RUVBL2: variants seen among roughly 807,000 people sequenced by gnomAD.
The protein encoded by RUVBL2 is ruvB-like 2.
A neutral mutation model predicts 57.9 loss-of-function variants in RUVBL2; 9 were observed. The observed-to-expected ratio is 0.16, with a 90% CI of 0.09 to 0.27. The LOEUF (loss-of-function observed/expected upper bound fraction) is 0.27, where lower values mean the gene tolerates loss of function less well. Ranked by LOEUF, RUVBL2 falls within the 10% of genes least tolerant of loss-of-function variation. RUVBL2 has a pLI of 1.00. For synonymous variants in RUVBL2, 278 were observed against 264.6 expected, an observed-to-expected ratio of 1.05 and a Z score of -0.49; for missense variants, 456 against 669.6, an observed-to-expected ratio of 0.68 and a Z score of 3.52.
rs1600193604 is a variant in RUVBL2, at chr19:49,011,459, A to G, written c.1001+149A>G. On this transcript the variant is annotated intron_variant, in intron 11 of 14. Coordinates refer to ENST00000595090, the MANE Select transcript of RUVBL2 (RefSeq NM_006666.3). This position sits in a 1 kb window ranked among gnomAD's most constrained non-coding sequence, Gnocchi z 4.4. Reference sequence around the variant, plus strand: ...TCTTTGCTTACAAAAGGCGGGTGGGAGGCAGCTCTGCTTCCCGAGGAAGCC... The same window carrying G: ...TCTTTGCTTACAAAAGGCGGGTGGGGGGCAGCTCTGCTTCCCGAGGAAGCC... 2 of 647,768 alleles carry G rather than the reference A, an allele frequency of 3.1e-6. No homozygotes were observed. The highest frequency in any genetic ancestry group is 5.3e-5 in the East Asian group (2 of 37,472). 40.1% of individuals were successfully genotyped at this position (647,768 alleles called of 1,614,324 possible).
chr19:49,003,713 G>A (rs1423601407), intron 3 of RUVBL2, among the ~76,000 whole-genome samples: 1 of 151,862 alleles, frequency 6.6e-6, no homozygotes, highest in African/African-American at 2.4e-5. Flanking sequence ...GAACCTGGGA[G>A]GTGGAGGTTG....
chr19:49,007,491 A>G (rs1488169438), intron 6 of RUVBL2, 123 bp downstream of exon 6: 6 of 802,560 alleles, frequency 7.5e-6, no homozygotes, highest in African/African-American at 1.7e-5. Context: ...GACTAGAGCC[A>G]TGTACATGCC....
intron 11 of RUVBL2, among the ~76,000 whole-genome samples, chr19:49,014,074 C>G (rs79785970): frequency 0.079 from 12,018 of 152,278 alleles, 517 homozygotes; most frequent in Middle Eastern, 0.13. Flanking sequence ...TTGGAGTGTT[C>G]ACGATGACTT....
At chr19:49,010,450 C>T (rs371302718) in intron 8 of RUVBL2, 38 bp from the exon 9 acceptor site, 51 of 1,607,592 alleles carry the variant, frequency 3.2e-5, no homozygotes, top group Non-Finnish European at 4.2e-5. Flanking sequence ...CCTTCCCTGC[C>T]CTGTCTCCGC....
intron 11 of RUVBL2, among the ~76,000 whole-genome samples, chr19:49,012,476 T>G (rs577641927): frequency 1.3e-5 from 2 of 152,302 alleles, no homozygotes; most frequent in East Asian, 3.9e-4. Flanking sequence ...TCACAGAAAC[T>G]GCAGGTCAGG....
intron 9 of RUVBL2, 91 bp from the exon 10 acceptor site, chr19:49,010,908 C>T: frequency 8.6e-7 from 1 of 1,168,946 alleles, no homozygotes; most frequent in South Asian, 1.3e-5. Context: ...TTCCTCCATC[C>T]CTGGCATCAT....
rs151117193 is a variant in RUVBL2, at chr19:49,009,575, A to G, written c.463-201A>G. On this transcript the variant is annotated intron_variant, in intron 6 of 14. Transcript: ENST00000595090. ...TCCAGTATGGTCCGTTGGGACATACATGTTCAGCCGCGGAGCCATCACCGC... is the reference window on the plus strand; with the variant it reads ...TCCAGTATGGTCCGTTGGGACATACGTGTTCAGCCGCGGAGCCATCACCGC... Among the ~76,000 whole-genome samples the G allele has an allele frequency of 4.0e-3, 604 of 152,310 alleles. 3 individuals are homozygous for G. The highest frequency in any genetic ancestry group is 0.014 in the African/African-American group (585 of 41,560).
chr19:49,007,706 C>CTT (rs200255767), intron 6 of RUVBL2, among the ~76,000 whole-genome samples: 1 of 149,370 alleles, frequency 6.7e-6, no homozygotes, highest in Non-Finnish European at 1.5e-5. Flanking sequence ...TTTGCTCTCT[C>CTT]TTTTTTTTTT....
intron 13 of RUVBL2, 95 bp downstream of exon 13, chr19:49,015,245 T>A: frequency 6.6e-7 from 1 of 1,504,642 alleles, no homozygotes; most frequent in Non-Finnish European, 8.9e-7. Flanking sequence ...TCCTAGAATG[T>A]ACGTTTTCAG....
chr19:48,997,928 C>T (rs1034746073), intron 1 of RUVBL2, among the ~76,000 whole-genome samples: 2 of 152,078 alleles, frequency 1.3e-5, no homozygotes, highest in Non-Finnish European at 2.9e-5. Context: ...TGGGAAGCCT[C>T]GGTATATTCT....
chr19:49,013,976 T>C (rs1195420437), intron 11 of RUVBL2, among the ~76,000 whole-genome samples: 1 of 152,146 alleles, frequency 6.6e-6, no homozygotes, highest in African/African-American at 2.4e-5. Context: ...AGATTATATA[T>C]ATATGGATTG....
At chr19:49,014,977 G>A (rs1014989238) in intron 12 of RUVBL2, 44 bp from the exon 13 acceptor site, 1 of 1,563,882 alleles carries the variant, frequency 6.4e-7, no homozygotes, top group Non-Finnish European at 8.7e-7. Flanking sequence ...TGCAGTCAGA[G>A]GCTGGGCCCC....
At chr19:49,002,720 G>A (rs1281521555) in intron 2 of RUVBL2, among the ~76,000 whole-genome samples, 1 of 152,056 alleles carries the variant, frequency 6.6e-6, no homozygotes, top group Non-Finnish European at 1.5e-5. Context: ...GAGAAGCTGG[G>A]ATTACAGTCA....
chr19:49,010,160 C>T lies in RUVBL2; in HGVS notation c.663+94C>T, dbSNP rs1021674088. On this transcript the variant is annotated intron_variant, in intron 8 of 14. Coordinates refer to ENST00000595090, the MANE Select transcript of RUVBL2 (RefSeq NM_006666.3). ...CTTGACCCATGGGGTCTGGATCTTCCTGTTACCCTGACTGTTTGTCCTGGT... is the reference window on the plus strand; with the variant it reads ...CTTGACCCATGGGGTCTGGATCTTCTTGTTACCCTGACTGTTTGTCCTGGT... The T allele has an allele frequency of 9.6e-6, 11 of 1,147,878 alleles. No homozygotes were observed. The African/African-American group carries it at 1.7e-4, about 17-fold the overall frequency. 71.1% of individuals were successfully genotyped at this position (1,147,878 alleles called of 1,614,324 possible). A position where few individuals can be genotyped will look rare whatever the true frequency, so the allele number is the denominator to read the frequency against.
intron 7 of RUVBL2, 36 bp downstream of exon 7, chr19:49,009,918 G>A: frequency 2.5e-6 from 4 of 1,612,558 alleles, no homozygotes; most frequent in Non-Finnish European, 2.5e-6. Flanking sequence ...CAGCCAGGGG[G>A]ATGGGCGAGC....
At chr19:49,010,166 C>A in intron 8 of RUVBL2, 100 bp downstream of exon 8, 2 of 1,117,922 alleles carry the variant, frequency 1.8e-6, no homozygotes, top group Non-Finnish European at 2.6e-6. Flanking sequence ...CTTCCTGTTA[C>A]CCTGACTGTT....
rs189278135 is a variant in RUVBL2 at position 49,007,387 on chromosome 19, G to C, written c.462+19G>C. Reference sequence around the variant, plus strand: ...AGGGACGGTGAGTCTGTGTGAGTCTGTACCCTGCTGAGGCCACCTCCAGCG... The same window carrying C: ...AGGGACGGTGAGTCTGTGTGAGTCTCTACCCTGCTGAGGCCACCTCCAGCG... On this transcript the variant is annotated intron_variant, in intron 6 of 14. Coordinates refer to ENST00000595090, the MANE Select transcript of RUVBL2 (RefSeq NM_006666.3). 6.7e-5 allele frequency: 108 copies of C among 1,610,142 alleles called. No individual in the cohort carries two copies. The African/African-American group carries it at 1.4e-3, about 20-fold the overall frequency.
At chr19:49,015,397 G>C in intron 13 of RUVBL2, 175 bp from the exon 14 acceptor site, 1 of 710,006 alleles carries the variant, frequency 1.4e-6, no homozygotes, top group Non-Finnish European at 2.4e-6. Context: ...GAAGAGGCTG[G>C]GCCCACAACA....
intron 11 of RUVBL2, among the ~76,000 whole-genome samples, chr19:49,012,235 C>T (rs1358475102): frequency 6.6e-6 from 1 of 152,192 alleles, no homozygotes; most frequent in Non-Finnish European, 1.5e-5. Context: ...AAGAAGCGGG[C>T]ACCCTACAGA....
Sources: allele counts gnomAD v4.1 joint callset (sites outside exome capture counted in the v4.1 genomes callset), GRCh38; gene constraint gnomAD v4.1.1; non-coding constraint Gnocchi (gnomAD v3.1); transcripts MANE v1.5; gene names NCBI Gene and HGNC (gene_info 2026-07-23, HGNC 2026-07-21).